Variants in LARP1B observed in about 807,000 individuals in gnomAD.
LARP1B encodes the protein La ribonucleoprotein 1B, also known as la-related protein 1B.
LARP1B carries 76 observed loss-of-function variants against 114.2 expected under a neutral mutation model. The observed-to-expected ratio is 0.67, with a 90% CI of 0.55 to 0.81. LARP1B has a LOEUF of 0.81. Among genes scored for constraint, LARP1B ranks in the 30% least tolerant of loss-of-function variants. LARP1B has a pLI of 0.00. For missense variants in LARP1B, 1,014 were observed against 1,075.8 expected, an observed-to-expected ratio of 0.94 and a Z score of 0.80; for synonymous variants, 345 against 348.0, an observed-to-expected ratio of 0.99 and a Z score of 0.10.
At chr4:128,222,681 A>T (rs1760105889), downstream of LARP1B, 1 of 226,890 alleles carries the variant, frequency 4.4e-6, no homozygotes. Context: ...TTACAGGTAA[A>T]TTTGTACCAG....
At chr4:128,131,122 CAA>C (rs1396860593) in intron 11 of LARP1B, among the ~76,000 whole-genome samples, 3 of 152,152 alleles carry the variant, frequency 2.0e-5, no homozygotes, top group African/African-American at 7.2e-5. Flanking sequence ...GTACACTTCT[CAA>C]AACCCATAGA....
Position 128,211,164 on chromosome 4 carries a change from T to A in LARP1B, c.*1111T>A. The A allele has an allele frequency of 2.2e-6, 2 of 914,062 alleles. No individual in the cohort carries two copies. Among genetic ancestry groups the A allele is most frequent in the Non-Finnish European group, 2.6e-6 (2 of 764,990 alleles). The allele number at this position is 914,062 out of a possible 1,614,324, so 56.6% of individuals were successfully genotyped here. The stretch of plus-strand genomic sequence containing the variant: ...TTGAATTGATTTTTAATTATTTTTA[T>A]TTAGAATATAGTTGAAAAGCTGTAA... On this transcript the variant is annotated 3_prime_UTR_variant, in exon 20 of 20. Transcript: ENST00000326639.
chr4:128,083,141 A>G (rs1356408219), intron 5 of LARP1B, among the ~76,000 whole-genome samples: 1 of 152,244 alleles, frequency 6.6e-6, no homozygotes, highest in East Asian at 1.9e-4. Context: ...GGGTAAGGTC[A>G]TAGATCAACA....
At chr4:128,165,681 A>G (rs1010255011) in intron 12 of LARP1B, among the ~76,000 whole-genome samples, 1 of 152,094 alleles carries the variant, frequency 6.6e-6, no homozygotes, top group Non-Finnish European at 1.5e-5. Flanking sequence ...TCTGTCCTCC[A>G]CATCCCAAAT....
chr4:128,097,200 C>T (rs1778382134), intron 7 of LARP1B, among the ~76,000 whole-genome samples: 1 of 151,996 alleles, frequency 6.6e-6, no homozygotes, highest in South Asian at 2.1e-4. Context: ...ACCGGGCCAC[C>T]CTTAATGTCT....
chr4:128,100,717 GT>G (rs769326511), intron 8 of LARP1B, among the ~76,000 whole-genome samples: 9 of 151,490 alleles, frequency 5.9e-5, no homozygotes, highest in South Asian at 2.1e-4. Flanking sequence ...AAAGATAATT[GT>G]ATGAGTTCTT....
At chr4:128,132,628 C>A (rs761659012) in intron 11 of LARP1B, among the ~76,000 whole-genome samples, 7 of 151,864 alleles carry the variant, frequency 4.6e-5, no homozygotes, top group Admixed American at 1.3e-4. Flanking sequence ...ACTAATACTT[C>A]ATAATGAAGC....
intron 12 of LARP1B, among the ~76,000 whole-genome samples, chr4:128,170,377 C>T (rs1743038654): frequency 6.6e-6 from 1 of 152,098 alleles, no homozygotes; most frequent in African/African-American, 2.4e-5. Context: ...TTGATGAGTT[C>T]TATATCTTTG....
At chr4:128,134,329 C>T (rs1299400445) in intron 11 of LARP1B, among the ~76,000 whole-genome samples, 1 of 152,026 alleles carries the variant, frequency 6.6e-6, no homozygotes, top group Non-Finnish European at 1.5e-5. Flanking sequence ...ACAAGTGTAT[C>T]AAGACCACTC....
At chr4:128,194,724 G>A (rs1034268698) in intron 15 of LARP1B, among the ~76,000 whole-genome samples, 2 of 146,906 alleles carry the variant, frequency 1.4e-5, no homozygotes, top group Non-Finnish European at 3.0e-5. Context: ...TTTCTTGGCT[G>A]GATGTGGTGG....
At chr4:128,137,616 A>G (rs1472191981) in intron 11 of LARP1B, among the ~76,000 whole-genome samples, 1 of 151,900 alleles carries the variant, frequency 6.6e-6, no homozygotes, top group Non-Finnish European at 1.5e-5. Flanking sequence ...TATGGGATAC[A>G]TGTGATATTT....
intron 5 of LARP1B, among the ~76,000 whole-genome samples, chr4:128,087,306 T>G (rs578202034): frequency 6.6e-6 from 1 of 152,336 alleles, no homozygotes; most frequent in Admixed American, 6.5e-5. Flanking sequence ...GCATTTGTTT[T>G]TATAGTTTTC....
In LARP1B at chr4:128,178,508, A is replaced by G; in HGVS notation, c.1762A>G (p.Thr588Ala). 6.2e-7 allele frequency: 1 copy of G among 1,614,070 alleles called. No individual in the cohort carries two copies. Among genetic ancestry groups the G allele is most frequent in the South Asian group, 1.1e-5 (1 of 91,080 alleles). The change falls in exon 14 of 20, where the codon ACA (threonine) becomes GCA (alanine). Residue 588 changes from threonine (T) to alanine (A), a missense_variant. Physicochemically the swap from Thr to Ala is moderately conservative, Grantham distance 58. Transcript: ENST00000326639. ...TSAAMVHSLP[T>A]AVPESPRIHP... Reference sequence around the variant, plus strand: ...AGCAGCAATGGTTCATTCGTTGCCTACAGCAGTTCCAGAATCTCCTAGAAT... The same window carrying G: ...AGCAGCAATGGTTCATTCGTTGCCTGCAGCAGTTCCAGAATCTCCTAGAAT...
At chr4:128,095,440 G>T (rs191340388) in intron 7 of LARP1B, among the ~76,000 whole-genome samples, 2 of 131,892 alleles carry the variant, frequency 1.5e-5, no homozygotes, top group Admixed American at 1.9e-4. Flanking sequence ...AGTGAGCCGA[G>T]ATCATGCCAT....
chr4:128,070,050 G>A (rs1475786108), intron 1 of LARP1B, among the ~76,000 whole-genome samples: 1 of 152,172 alleles, frequency 6.6e-6, no homozygotes, highest in Non-Finnish European at 1.5e-5. Context: ...CGAGCGCAGT[G>A]GCTCACACCC....
intron 5 of LARP1B, among the ~76,000 whole-genome samples, chr4:128,086,475 T>G (rs1021402538): frequency 6.6e-6 from 1 of 152,122 alleles, no homozygotes; most frequent in Non-Finnish European, 1.5e-5. Flanking sequence ...ACTACAGGCA[T>G]GCACAACAGT....
At chr4:128,187,699 C>A (rs984690924) in intron 15 of LARP1B, among the ~76,000 whole-genome samples, 1 of 152,162 alleles carries the variant, frequency 6.6e-6, no homozygotes, top group African/African-American at 2.4e-5. Flanking sequence ...TTGGCAGGGG[C>A]CAGGGTAGAA....
intron 11 of LARP1B, among the ~76,000 whole-genome samples, chr4:128,125,944 A>G (rs1398914512): frequency 6.6e-6 from 1 of 152,084 alleles, no homozygotes; most frequent in Admixed American, 6.6e-5. Flanking sequence ...ATGAAAATAA[A>G]GATTTTTTGT....
chr4:128,062,106 G>A (rs1760370150), intron 1 of LARP1B: 1 of 985,268 alleles, frequency 1.0e-6, no homozygotes, highest in African/African-American at 1.7e-5. Flanking sequence ...GCGGAAAAGC[G>A]GCAGCCGCCG....
Sources: allele counts gnomAD v4.1 joint callset (sites outside exome capture counted in the v4.1 genomes callset), GRCh38; gene constraint gnomAD v4.1.1; transcripts MANE v1.5; gene names NCBI Gene and HGNC (gene_info 2026-07-23, HGNC 2026-07-21).